Variants in PHF2 observed in about 807,000 individuals in gnomAD.
PHF2 encodes PHD finger protein 2, also known as lysine-specific demethylase PHF2.
PHF2 carries 27 observed loss-of-function variants against 120.5 expected under a neutral mutation model. The observed-to-expected ratio is 0.22, with a 90% confidence interval of 0.17 to 0.31. The LOEUF is 0.31. Among genes scored for constraint, PHF2 ranks in the 10% least tolerant of loss-of-function variants. The pLI is 1.00. For missense variants in PHF2, 1,024 were observed against 1,434.8 expected (o/e 0.71, Z 4.63); for synonymous variants, 568 against 592.5 (o/e 0.96, Z 0.60).
At chr9:93,622,884 C>T (rs1825848018) in intron 1 of PHF2, among the ~76,000 whole-genome samples, 2 of 152,210 alleles carry the variant, frequency 1.3e-5, no homozygotes, top group South Asian at 2.1e-4. Flanking sequence ...GTGGTCTGAC[C>T]TCTGACCTTC....
chr9:93,628,220 A>G (rs996671425), intron 1 of PHF2, among the ~76,000 whole-genome samples: 1 of 152,164 alleles, frequency 6.6e-6, no homozygotes, highest in Non-Finnish European at 1.5e-5. Context: ...GTTTTCTTAT[A>G]GTGTCTCTGT....
At chr9:93,675,584 G>T in intron 19 of PHF2, 96 bp from the exon 20 acceptor site, 1 of 911,896 alleles carries the variant, frequency 1.1e-6, no homozygotes. Flanking sequence ...CCTGGCCAGG[G>T]GGACAGGCTG....
chr9:93,675,901 C>T (rs1587725121), intron 20 of PHF2, 112 bp downstream of exon 20: 1 of 725,560 alleles, frequency 1.4e-6, no homozygotes, highest in South Asian at 1.6e-5. Context: ...ACCCACTGAG[C>T]CAGGGGTGGT....
At chr9:93,645,533 C>T in intron 3 of PHF2, 96 bp from the exon 4 acceptor site, 1 of 1,323,980 alleles carries the variant, frequency 7.6e-7, no homozygotes, top group Non-Finnish European at 1.0e-6. Flanking sequence ...TGGCCAGACC[C>T]AGGCTCACCT....
At chr9:93,603,798 C>G (rs1825489076) in intron 1 of PHF2, among the ~76,000 whole-genome samples, 1 of 152,200 alleles carries the variant, frequency 6.6e-6, no homozygotes, top group Non-Finnish European at 1.5e-5. Context: ...AGGACCAGCC[C>G]CAGCATCGCC....
At position 93,671,472 on chromosome 9, in the gene PHF2, A is replaced by C. The variant is rs28530486; in HGVS notation, c.2349-2113A>C. ...GATGTAGGTACAGGTGTAGATGCAG[A>C]TGTGGGTGTGGGAGTAGGTACAGGT... On this transcript the variant is annotated intron_variant, in intron 17 of 21. Transcript: ENST00000359246. 5.0e-5 allele frequency among the ~76,000 whole-genome samples: 5 copies of C among 99,426 alleles called. 1 individual carries two copies. Among genetic ancestry groups the C allele is most frequent in the African/African-American group, 2.2e-4 (5 of 23,226 alleles). 65.2% of individuals were successfully genotyped at this position (99,426 alleles called of 152,430 possible). A position where few individuals can be genotyped will look rare whatever the true frequency, so the allele number is the denominator to read the frequency against.
At chr9:93,659,275 A>G (rs1021488663) in intron 10 of PHF2, among the ~76,000 whole-genome samples, 1 of 152,238 alleles carries the variant, frequency 6.6e-6, no homozygotes. Flanking sequence ...TGTCCATTCC[A>G]TAGCCTGCTG....
chr9:93,677,668 C>A lies in PHF2; in HGVS notation c.3283C>A (p.Leu1095Ile). Residue 1095 changes from leucine (L) to isoleucine (I), a missense_variant, in exon 22 of 22, where the codon CTC (leucine) becomes ATC (isoleucine). Transcript: ENST00000359246. The surrounding 1 kb of genome is among the most constrained non-coding windows in gnomAD (Gnocchi z 4.4). The part of the protein sequence containing the change: ...ILKIHRNGKL[L>I]L ...GAAAATTCATCGGAACGGGAAACTA[C>A]TCCTTTAAGATTTGGAAAGCCAGGA... The A allele has an allele frequency of 6.2e-7, 1 of 1,612,788 alleles. No individual in the cohort carries two copies. The highest frequency in any genetic ancestry group is 8.5e-7 in the Non-Finnish European group (1 of 1,178,940).
chr9:93,602,058 C>G (rs1190776573), intron 1 of PHF2, among the ~76,000 whole-genome samples: 1 of 152,078 alleles, frequency 6.6e-6, no homozygotes, highest in Non-Finnish European at 1.5e-5. Flanking sequence ...TGGCTCCTAA[C>G]TGGGCTTTCT....
chr9:93,595,749 C>T (rs768102156), intron 1 of PHF2, among the ~76,000 whole-genome samples: 9 of 152,216 alleles, frequency 5.9e-5, no homozygotes, highest in African/African-American at 1.2e-4. Context: ...CCAGAGATGC[C>T]TTCCTCTTGA....
chr9:93,654,625 A>T, intron 7 of PHF2, 50 bp downstream of exon 7: 1 of 1,571,030 alleles, frequency 6.4e-7, no homozygotes, highest in Non-Finnish European at 8.7e-7. Context: ...GCCGGCCCTC[A>T]TCAAGCTTAC....
Position 93,659,705 on chromosome 9 carries a change from G to T in PHF2, c.1329+105G>T, listed in dbSNP as rs368004083. ...AGCCTAACACAGAGCTGCCAGGTCT[G>T]GGAAGGCCAGTGCCCCAGATGGTCC... On this transcript the variant is annotated intron_variant, in intron 11 of 21. Coordinates refer to ENST00000359246, the MANE Select transcript of PHF2 (RefSeq NM_005392.4). 6.8e-6 allele frequency: 7 copies of T among 1,034,960 alleles called. No homozygotes were observed. In the South Asian group the frequency reaches 7.2e-5, roughly 11 times the overall value. 64.1% of individuals were successfully genotyped at this position (1,034,960 alleles called of 1,614,324 possible).
At chr9:93,616,915 C>G (rs1316642175) in intron 1 of PHF2, among the ~76,000 whole-genome samples, 3 of 152,164 alleles carry the variant, frequency 2.0e-5, no homozygotes, top group African/African-American at 7.2e-5. Flanking sequence ...CTCGGCCTCC[C>G]AAAGTACTGG....
In PHF2 at chr9:93,676,717, A is replaced by ACCGCCCCTGCCT. The variant is rs766048050; in HGVS notation, c.2958_2959insGCCCCTGCCTCC (p.Thr986_Thr987insAlaProAlaSer). On this transcript the variant is annotated inframe_insertion, in exon 21 of 22. Coordinates refer to ENST00000359246, the MANE Select transcript of PHF2 (RefSeq NM_005392.4). ...CTCCACCTCCACCACGCCAGCCTCTACCACCCCGGCCTCCACCACCCCGGC... is the reference window on the plus strand; with the variant it reads ...CTCCACCTCCACCACGCCAGCCTCTACCGCCCCTGCCTCCACCCCGGCCTCCACCACCCCGGC... The ACCGCCCCTGCCT allele has an allele frequency of 4.5e-6, 7 of 1,555,664 alleles. No homozygotes were observed. The African/African-American group carries it at 9.7e-5, about 22-fold the overall frequency.
intron 2 of PHF2, among the ~76,000 whole-genome samples, chr9:93,634,082 T>G (rs1398502245): frequency 1.3e-5 from 2 of 152,192 alleles, no homozygotes; most frequent in Admixed American, 6.5e-5. Context: ...CAGGGAGCTC[T>G]GCTTGGTGCA....
At chr9:93,644,207 T>C (rs980811792) in intron 3 of PHF2, among the ~76,000 whole-genome samples, 1 of 151,820 alleles carries the variant, frequency 6.6e-6, no homozygotes, top group Non-Finnish European at 1.5e-5. Flanking sequence ...ACCAACATGG[T>C]GAAACCCCAT....
At chr9:93,624,672 G>GTGA (rs904102674) in intron 1 of PHF2, among the ~76,000 whole-genome samples, 1 of 113,490 alleles carries the variant, frequency 8.8e-6, no homozygotes, top group Non-Finnish European at 1.8e-5. Flanking sequence ...GGTGGTGATG[G>GTGA]TGATGATGAT....
Position 93,672,473 on chromosome 9 carries a change from A to T in PHF2, c.2349-1112A>T, listed in dbSNP as rs1240347062. Reference sequence around the variant, plus strand: ...GGGTGTGGGAGTAGGCACAGGTGTGAGTGTGGGAGTAGGCACAGGTGTACA... The same window carrying T: ...GGGTGTGGGAGTAGGCACAGGTGTGTGTGTGGGAGTAGGCACAGGTGTACA... On this transcript the variant is annotated intron_variant, in intron 17 of 21. Coordinates refer to ENST00000359246, the MANE Select transcript of PHF2 (RefSeq NM_005392.4). 16 of 900,936 alleles carry T rather than the reference A, an allele frequency of 1.8e-5. No individual in the cohort carries two copies. In the South Asian group the frequency reaches 6.5e-4, roughly 37 times the overall value. 55.8% of individuals were successfully genotyped at this position (900,936 alleles called of 1,614,324 possible).
At chr9:93,591,479 G>A (rs1231480617) in intron 1 of PHF2, among the ~76,000 whole-genome samples, 4 of 152,190 alleles carry the variant, frequency 2.6e-5, no homozygotes, top group African/African-American at 9.6e-5. Flanking sequence ...TGGACTGGGG[G>A]CGTCTCAGGG....
Sources: allele counts gnomAD v4.1 joint callset (sites outside exome capture counted in the v4.1 genomes callset), GRCh38; gene constraint gnomAD v4.1.1; non-coding constraint Gnocchi (gnomAD v3.1); transcripts MANE v1.5; gene names NCBI Gene and HGNC (gene_info 2026-07-23, HGNC 2026-07-21).